Variants in ZNF654 observed in about 807,000 individuals in gnomAD.
ZNF654 encodes melanoma-associated antigen.
In ZNF654, 19 loss-of-function variants were observed where a neutral mutation model predicts 95.3. That is an observed-to-expected ratio of 0.20 (90% CI 0.14 to 0.29). The LOEUF (loss-of-function observed/expected upper bound fraction) is 0.29. ZNF654 is among the 10% of genes least tolerant of loss of function. ZNF654 has a pLI of 1.00. For missense variants in ZNF654, 1,046 were observed against 1,341.0 expected (o/e 0.78, Z 3.44); for synonymous variants, 413 against 457.9 (o/e 0.90, Z 1.25).
At chr3:88,133,701 C>G (rs1706600503) in intron 6 of ZNF654, among the ~76,000 whole-genome samples, 1 of 152,082 alleles carries the variant, frequency 6.6e-6, no homozygotes, top group African/African-American at 2.4e-5. Context: ...ATTTCTATTG[C>G]TGTTAACTTT....
At chr3:88,123,698 A>G (rs1200131273) in intron 3 of ZNF654, among the ~76,000 whole-genome samples, 4 of 152,204 alleles carry the variant, frequency 2.6e-5, no homozygotes, top group Non-Finnish European at 4.4e-5. Flanking sequence ...GTCCCATAGT[A>G]CTGACTGATG....
intron 2 of ZNF654, among the ~76,000 whole-genome samples, chr3:88,107,159 C>G (rs566513666): frequency 6.6e-6 from 1 of 152,208 alleles, no homozygotes; most frequent in East Asian, 1.9e-4. Flanking sequence ...GGGAATTTAG[C>G]TCTTAACTTA....
intron 1 of ZNF654, among the ~76,000 whole-genome samples, chr3:88,079,751 TTC>T (rs1469695082): frequency 1.3e-5 from 2 of 152,082 alleles, no homozygotes; most frequent in African/African-American, 4.8e-5. Flanking sequence ...TTTGAAAAGA[TTC>T]TGTCTTATTA....
At chr3:88,121,642 T>G (rs921857847) in intron 3 of ZNF654, among the ~76,000 whole-genome samples, 2 of 152,220 alleles carry the variant, frequency 1.3e-5, no homozygotes, top group African/African-American at 4.8e-5. Flanking sequence ...TTAAATTTTA[T>G]AACTTTATGA....
At chr3:88,060,882 A>G (rs980091410) in intron 1 of ZNF654, among the ~76,000 whole-genome samples, 1 of 152,190 alleles carries the variant, frequency 6.6e-6, no homozygotes, top group Admixed American at 6.5e-5. Flanking sequence ...TTTTCAGGTA[A>G]GTTTTTAATG....
intron 1 of ZNF654, among the ~76,000 whole-genome samples, chr3:88,067,641 G>T (rs2107602611): frequency 6.6e-6 from 1 of 152,334 alleles, no homozygotes; most frequent in Non-Finnish European, 1.5e-5. Flanking sequence ...AATGTTTTAG[G>T]ATGGGGTGAA....
At chr3:88,103,571 A>C (rs1704557879) in intron 2 of ZNF654, among the ~76,000 whole-genome samples, 1 of 152,160 alleles carries the variant, frequency 6.6e-6, no homozygotes, top group Non-Finnish European at 1.5e-5. Flanking sequence ...AATGGCCATG[A>C]ATTTTCTTAA....
At chr3:88,084,907 T>A (rs1297467763) in intron 1 of ZNF654, among the ~76,000 whole-genome samples, 1 of 152,164 alleles carries the variant, frequency 6.6e-6, no homozygotes, top group Non-Finnish European at 1.5e-5. Flanking sequence ...GGAACGCTAA[T>A]CTTTTATAAT....
intron 1 of ZNF654, 99 bp from the exon 2 acceptor site, chr3:88,086,155 CGAT>C: frequency 9.4e-7 from 1 of 1,060,602 alleles, no homozygotes; most frequent in African/African-American, 1.6e-5. Flanking sequence ...GTGTTCATGC[CGAT>C]CTAATATTTT....
chr3:88,068,809 G>T (rs1707342375), intron 1 of ZNF654, among the ~76,000 whole-genome samples: 1 of 152,100 alleles, frequency 6.6e-6, no homozygotes, highest in Admixed American at 6.5e-5. Context: ...GAGATGGCTT[G>T]ACCAAGTCCT....
chr3:88,127,804 C>G (rs1268318765), intron 4 of ZNF654, among the ~76,000 whole-genome samples: 2 of 152,284 alleles, frequency 1.3e-5, no homozygotes, highest in African/African-American at 4.8e-5. Context: ...TTGGGAAAAG[C>G]TGCTCTAGAG....
At chr3:88,112,915 A>G (rs1299351827) in intron 2 of ZNF654, among the ~76,000 whole-genome samples, 200 bp from the exon 3 acceptor site, 1 of 152,078 alleles carries the variant, frequency 6.6e-6, no homozygotes, top group African/African-American at 2.4e-5. Context: ...ACTTAAGTAT[A>G]TTTCTTTGTA....
chr3:88,077,254 A>AT (rs1261085872), intron 1 of ZNF654, among the ~76,000 whole-genome samples: 1 of 151,806 alleles, frequency 6.6e-6, no homozygotes, highest in Non-Finnish European at 1.5e-5. Flanking sequence ...ACTCACCAAT[A>AT]TAGGCAGTGT....
intron 7 of ZNF654, among the ~76,000 whole-genome samples, chr3:88,136,348 G>A (rs1706783056): frequency 2.0e-5 from 3 of 152,120 alleles, no homozygotes; most frequent in African/African-American, 4.8e-5. Context: ...AAAATTCAAA[G>A]ATGAAATAAG....
intron 2 of ZNF654, among the ~76,000 whole-genome samples, chr3:88,097,691 C>T (rs1397801285): frequency 6.6e-6 from 1 of 152,152 alleles, no homozygotes; most frequent in Non-Finnish European, 1.5e-5. Context: ...CTCAAAACCG[C>T]TCAACTACAT....
intron 3 of ZNF654, among the ~76,000 whole-genome samples, chr3:88,113,818 ACATAT>A (rs1272777908): frequency 1.8e-5 from 1 of 55,668 alleles, no homozygotes; most frequent in East Asian, 7.0e-4. Flanking sequence ...TATACAGACA[ACATAT>A]CTTATATTTG....
At chr3:88,071,340 T>G (rs1707498473) in intron 1 of ZNF654, among the ~76,000 whole-genome samples, 1 of 151,906 alleles carries the variant, frequency 6.6e-6, no homozygotes, top group Non-Finnish European at 1.5e-5. Context: ...TGAAACCCTG[T>G]CCCTACTAAA....
intron 6 of ZNF654, among the ~76,000 whole-genome samples, chr3:88,130,386 AAATT>A (rs1401299761): frequency 6.6e-6 from 1 of 152,148 alleles, no homozygotes; most frequent in Non-Finnish European, 1.5e-5. Context: ...ATTCTCAATT[AAATT>A]AATAGCTTGA....
At chr3:88,134,586 A>G (rs1240828523) in intron 6 of ZNF654, among the ~76,000 whole-genome samples, 1 of 152,108 alleles carries the variant, frequency 6.6e-6, no homozygotes, top group Non-Finnish European at 1.5e-5. Flanking sequence ...GAAACATACT[A>G]TTTCAGAATC....
Sources: gnomAD v4.1 joint callset for allele counts (sites outside exome capture counted in the v4.1 genomes callset) on GRCh38, gnomAD v4.1.1 for gene constraint, MANE v1.5 for transcripts, NCBI Gene and HGNC (gene_info 2026-07-23, HGNC 2026-07-21) for gene names.